IL16: variants seen among roughly 807,000 people sequenced by gnomAD.
The protein encoded by IL16 is interleukin 16.
In IL16, 67 loss-of-function variants were observed where a neutral mutation model predicts 110.1. The ratio of observed to expected loss-of-function variants is 0.61; its 90% CI spans 0.50 to 0.75. IL16 has a LOEUF of 0.75. Among genes scored for constraint, IL16 ranks in the 30% least tolerant of loss-of-function variants. The pLI is 0.00. For missense variants in IL16, 1,545 were observed against 1,655.0 expected, an observed-to-expected ratio of 0.93 and a Z score of 1.15; for synonymous variants, 689 against 662.9, an observed-to-expected ratio of 1.04 and a Z score of -0.61.
chr15:81,242,877 A>G (rs901365808), intron 2 of IL16, among the ~76,000 whole-genome samples: 4 of 151,644 alleles, frequency 2.6e-5, no homozygotes, highest in African/African-American at 4.8e-5. Context: ...GAGGTTGAAG[A>G]TATTCTCCTC....
At chr15:81,254,662 C>T (rs1897885964) in intron 2 of IL16, among the ~76,000 whole-genome samples, 1 of 152,134 alleles carries the variant, frequency 6.6e-6, no homozygotes, top group Admixed American at 6.5e-5. Flanking sequence ...TTTGACAGCC[C>T]CTGACCTCGA....
intron 1 of IL16, among the ~76,000 whole-genome samples, chr15:81,223,888 G>A (rs977863124): frequency 6.6e-6 from 1 of 152,174 alleles, no homozygotes; most frequent in African/African-American, 2.4e-5. Context: ...GTCTGTGATT[G>A]GAGTTTTACT....
chr15:81,184,289 T>A (rs1388044174), intron 1 of IL16, among the ~76,000 whole-genome samples: 1 of 152,198 alleles, frequency 6.6e-6, no homozygotes, highest in Non-Finnish European at 1.5e-5. Context: ...TGGGTTTCCC[T>A]GGTAACAGAT....
chr15:81,273,057 C>A, intron 5 of IL16, 33 bp from the exon 6 acceptor site: 1 of 1,538,674 alleles, frequency 6.5e-7, no homozygotes, highest in Non-Finnish European at 9.0e-7. Flanking sequence ...TGGAATACTA[C>A]CCCTAAATCA....
chr15:81,212,178 C>T (rs1896272995), intron 1 of IL16, among the ~76,000 whole-genome samples: 2 of 151,834 alleles, frequency 1.3e-5, no homozygotes, highest in South Asian at 2.1e-4. Context: ...AATTTCAGTG[C>T]TTGATATTGG....
chr15:81,191,269 A>T (rs1895493580), intron 1 of IL16, among the ~76,000 whole-genome samples: 1 of 152,212 alleles, frequency 6.6e-6, no homozygotes, highest in African/African-American at 2.4e-5. Flanking sequence ...CTGTTTCCTA[A>T]TCTGTGGCTT....
chr15:81,203,950 A>G (rs1895915782), intron 1 of IL16, among the ~76,000 whole-genome samples: 2 of 152,000 alleles, frequency 1.3e-5, no homozygotes, highest in Admixed American at 6.6e-5. Context: ...CTTCCTACCC[A>G]TGAGCGTGGA....
chr15:81,225,227 C>G, intron 1 of IL16, 72 bp from the exon 2 acceptor site: 1 of 1,291,004 alleles, frequency 7.7e-7, no homozygotes, highest in Non-Finnish European at 1.0e-6. Flanking sequence ...TGGCTCAGAT[C>G]CAGGACTCGT....
chr15:81,185,363 C>CTTT lies in IL16; in HGVS notation c.40+2478_40+2480dup, dbSNP rs537025840. 1.4e-3 allele frequency among the ~76,000 whole-genome samples: 197 copies of CTTT among 141,876 alleles called. 5 individuals are homozygous for CTTT. The East Asian group carries it at 0.022, about 16-fold the overall frequency. 93.1% of individuals were successfully genotyped at this position (141,876 alleles called of 152,430 possible). Reference sequence around the variant, plus strand: ...TCATTGCTTTTTTTCTTTTCTTTTCCTTTTTTTTTTTTTGACAGGATCTCA... The same window carrying CTTT: ...TCATTGCTTTTTTTCTTTTCTTTTCCTTTTTTTTTTTTTTTTGACAGGATCTCA... On this transcript the variant is annotated intron_variant, in intron 1 of 18. Coordinates refer to the IL16 transcript ENST00000302987.
intron 1 of IL16, among the ~76,000 whole-genome samples, chr15:81,200,579 C>T (rs1895774114): frequency 1.3e-5 from 2 of 152,236 alleles, no homozygotes; most frequent in African/African-American, 4.8e-5. Flanking sequence ...CCATGTTGGC[C>T]AGGCTGGTCT....
chr15:81,268,285 A>T lies in IL16; in HGVS notation c.565-1253A>T, dbSNP rs550368495. Among the ~76,000 whole-genome samples, 21 of 151,914 alleles carry T rather than the reference A, an allele frequency of 1.4e-4. No homozygotes were observed. In the South Asian group the frequency reaches 3.9e-3, roughly 29 times the overall value. On this transcript the variant is annotated intron_variant, in intron 4 of 18. Coordinates refer to ENST00000683961, the MANE Select transcript of IL16 (RefSeq NM_172217.5). ...AGGGAATGCTAGTAATAAAGAAAACATGCATTCCATGTTCGCTGCCTTCCA... is the reference window on the plus strand; with the variant it reads ...AGGGAATGCTAGTAATAAAGAAAACTTGCATTCCATGTTCGCTGCCTTCCA...
intron 1 of IL16, among the ~76,000 whole-genome samples, chr15:81,222,394 G>C (rs1467640664): frequency 7.3e-6 from 1 of 137,218 alleles, no homozygotes; most frequent in East Asian, 2.2e-4. Flanking sequence ...TTTTTTTTAA[G>C]CAAAAAGAAA....
At position 81,311,909 on chromosome 15, in the gene IL16, T is replaced by TCAAA. The variant is rs1900876609; in HGVS notation, c.*3113_*3114insAACA. On this transcript the variant is annotated 3_prime_UTR_variant, in exon 19 of 19. Coordinates refer to ENST00000683961, the MANE Select transcript of IL16 (RefSeq NM_172217.5). ...TTTCTGTCTCCTTAACACTGAGCTG[T>TCAAA]CATGTTTTAAAGCTTGCTCACATCT... is the stretch of plus-strand genomic sequence containing the variant. 1 of 152,188 alleles carries TCAAA rather than the reference T, an allele frequency of 6.6e-6. No homozygotes were observed. The highest frequency in any genetic ancestry group is 2.4e-5 in the African/African-American group (1 of 41,434). The allele number at this position is 152,188 out of a possible 1,614,324, so 9.4% of individuals were successfully genotyped here.
chr15:81,183,053 G>A (rs906525114), intron 1 of IL16, among the ~76,000 whole-genome samples: 8 of 152,088 alleles, frequency 5.3e-5, no homozygotes, highest in Admixed American at 5.2e-4. Context: ...GTGAGTGTGT[G>A]TGCACACGTG....
Position 81,300,478 on chromosome 15 carries a change from G to C in IL16, c.3149+3G>C, listed in dbSNP as rs773140931. The C allele has an allele frequency of 6.3e-7, 1 of 1,596,368 alleles. No homozygotes were observed. Among genetic ancestry groups the C allele is most frequent in the Non-Finnish European group, 8.6e-7 (1 of 1,165,072 alleles). On this transcript the variant is annotated splice_donor_region_variant and intron_variant, in intron 14 of 18. Coordinates refer to ENST00000683961, the MANE Select transcript of IL16 (RefSeq NM_172217.5). Reference sequence around the variant, plus strand: ...TTGGACACAGGGTTCTCGCTCAAGTGAGTTTCTACACCCGGTGTTTCTCTT... The same window carrying C: ...TTGGACACAGGGTTCTCGCTCAAGTCAGTTTCTACACCCGGTGTTTCTCTT...
At chr15:81,288,214 A>G (rs1165601385) in intron 10 of IL16, among the ~76,000 whole-genome samples, 2 of 152,102 alleles carry the variant, frequency 1.3e-5, no homozygotes, top group Non-Finnish European at 2.9e-5. Flanking sequence ...GGCAGAGAGA[A>G]GAGAGCCAGG....
chr15:81,231,326 CTCTCTCTCTCTCTCTCTCTCTCTCT>C (rs1896969532), intron 2 of IL16, among the ~76,000 whole-genome samples: 1 of 65,988 alleles, frequency 1.5e-5, no homozygotes, highest in African/African-American at 9.2e-5. Flanking sequence ...GTCGGTCTGT[CTCTCTCTCTCTCTCTCTCTCTCTCT>C]CTCTCTCTCT....
At chr15:81,192,587 C>T (rs1895515267), upstream of IL16, among the ~76,000 whole-genome samples, 1 of 152,132 alleles carries the variant, frequency 6.6e-6, no homozygotes, top group Non-Finnish European at 1.5e-5. Context: ...CAGCCTGGGC[C>T]ACAGAGCAAG....
At chr15:81,256,332 CTTTT>C (rs386383603) in intron 2 of IL16, among the ~76,000 whole-genome samples, 2 of 125,744 alleles carry the variant, frequency 1.6e-5, no homozygotes, top group Non-Finnish European at 3.3e-5. Flanking sequence ...TCTTTACAAA[CTTTT>C]TTTTTTTTTT....
Sources: gnomAD v4.1 joint callset for allele counts (sites outside exome capture counted in the v4.1 genomes callset) on GRCh38, gnomAD v4.1.1 for gene constraint, MANE v1.5 for transcripts, NCBI Gene and HGNC (gene_info 2026-07-23, HGNC 2026-07-21) for gene names.